GLP1R: variants seen among roughly 807,000 people sequenced by gnomAD.
The protein encoded by GLP1R is glucagon like peptide 1 receptor, also known as glucagon-like peptide 1 receptor.
A neutral mutation model predicts 68.4 loss-of-function variants in GLP1R; 32 were observed. The observed-to-expected ratio is 0.47, with a 90% CI of 0.35 to 0.63. The LOEUF (loss-of-function observed/expected upper bound fraction) is 0.63. Among genes scored for constraint, GLP1R ranks in the 20% least tolerant of loss-of-function variants. GLP1R has a pLI of 0.00. For synonymous variants in GLP1R, 263 were observed against 244.4 expected, an observed-to-expected ratio of 1.08 and a Z score of -0.71; for missense variants, 502 against 594.9, an observed-to-expected ratio of 0.84 and a Z score of 1.62.
At chr6:39,068,281 C>T (rs1296259628) in intron 5 of GLP1R, among the ~76,000 whole-genome samples, 1 of 152,078 alleles carries the variant, frequency 6.6e-6, no homozygotes, top group Non-Finnish European at 1.5e-5. Context: ...GAGTTGGGTC[C>T]CCAAGTCTCC....
chr6:39,076,048 G>C (rs1026460398), intron 7 of GLP1R, among the ~76,000 whole-genome samples: 3 of 152,168 alleles, frequency 2.0e-5, no homozygotes, highest in African/African-American at 7.2e-5. Flanking sequence ...TGTGTTTTTT[G>C]AAAAGGCCTT....
chr6:39,071,073 G>A (rs1056477059), intron 5 of GLP1R, among the ~76,000 whole-genome samples: 10 of 152,124 alleles, frequency 6.6e-5, no homozygotes, highest in African/African-American at 2.4e-4. Flanking sequence ...TTGGCTGGGT[G>A]CGGTGGCTCA....
intron 3 of GLP1R, among the ~76,000 whole-genome samples, chr6:39,061,689 G>C (rs1408203547): frequency 6.6e-6 from 1 of 152,152 alleles, no homozygotes; most frequent in Non-Finnish European, 1.5e-5. Flanking sequence ...GGTCTACTAT[G>C]TACCGGGCAC....
chr6:39,072,765 G>C, intron 5 of GLP1R, 97 bp from the exon 6 acceptor site: 1 of 1,053,858 alleles, frequency 9.5e-7, no homozygotes, highest in Non-Finnish European at 1.4e-6. Flanking sequence ...CCCAGGGCTG[G>C]AAACATGCCT....
intron 8 of GLP1R, 29 bp downstream of exon 8, chr6:39,078,411 G>A (rs377229216): frequency 1.3e-6 from 2 of 1,513,988 alleles, no homozygotes; most frequent in African/African-American, 1.4e-5. Context: ...GGGGGCGGGT[G>A]TGCCCAGGTC....
chr6:39,069,747 C>G (rs1359733211), intron 5 of GLP1R, among the ~76,000 whole-genome samples: 2 of 152,100 alleles, frequency 1.3e-5, no homozygotes, highest in East Asian at 3.9e-4. Context: ...TTTTTTCTAT[C>G]CCACCACCCA....
chr6:39,075,774 T>A (rs972259522), intron 7 of GLP1R, among the ~76,000 whole-genome samples: 2 of 152,160 alleles, frequency 1.3e-5, no homozygotes, highest in African/African-American at 2.4e-5. Context: ...AAATTAGGAC[T>A]CTGACACAGT....
At chr6:39,060,190 A>G (rs188890811) in intron 3 of GLP1R, among the ~76,000 whole-genome samples, 1 of 152,048 alleles carries the variant, frequency 6.6e-6, no homozygotes, top group Non-Finnish European at 1.5e-5. Flanking sequence ...CCTGACCCCC[A>G]CCCAGGTGTG....
chr6:39,066,443 C>T (rs895477019), intron 5 of GLP1R, 140 bp downstream of exon 5: 3 of 584,716 alleles, frequency 5.1e-6, no homozygotes, highest in East Asian at 5.7e-5. Flanking sequence ...GAGCCCTGAC[C>T]GTAGAATATG....
chr6:39,090,427 G>A lies in GLP1R; in HGVS notation c.*4354G>A, dbSNP rs1031035178. 1.3e-5 allele frequency among the ~76,000 whole-genome samples: 2 copies of A among 151,798 alleles called. No homozygotes were observed. Among genetic ancestry groups the A allele is most frequent in the Admixed American group, 6.6e-5 (1 of 15,242 alleles). Reference sequence around the variant, plus strand: ...TCTAGCAGTGGCTCCATTTTTCCCCGATGCATCCAACTTCCCTCCCTGCAC... The same window carrying A: ...TCTAGCAGTGGCTCCATTTTTCCCCAATGCATCCAACTTCCCTCCCTGCAC... On this transcript the variant is annotated 3_prime_UTR_variant, in exon 13 of 13. Coordinates refer to ENST00000373256, the MANE Select transcript of GLP1R (RefSeq NM_002062.5).
intron 1 of GLP1R, 75 bp downstream of exon 1, chr6:39,048,993 A>G: frequency 1.7e-6 from 1 of 601,922 alleles, no homozygotes; most frequent in Non-Finnish European, 2.7e-6. Context: ...GTCCTGGTGG[A>G]GGGCCCCGGG....
At chr6:39,085,805 G>T in intron 12 of GLP1R, 101 bp from the exon 13 acceptor site, 1 of 1,045,754 alleles carries the variant, frequency 9.6e-7, no homozygotes, top group South Asian at 1.4e-5. Flanking sequence ...TTAATATAAT[G>T]CAGTGGATTT....
chr6:39,073,923 T>C (rs1313505177), intron 7 of GLP1R, among the ~76,000 whole-genome samples, 154 bp downstream of exon 7: 2 of 152,178 alleles, frequency 1.3e-5, no homozygotes, highest in Non-Finnish European at 2.9e-5. Context: ...GCCCCGGTGC[T>C]GTTAAGATGC....
chr6:39,075,073 G>A (rs1246698440), intron 7 of GLP1R, among the ~76,000 whole-genome samples: 1 of 152,204 alleles, frequency 6.6e-6, no homozygotes, highest in Non-Finnish European at 1.5e-5. Context: ...TGACTCCCAG[G>A]CTCTGGGCCT....
At chr6:39,072,749 C>G in intron 5 of GLP1R, 113 bp from the exon 6 acceptor site, 4 of 870,312 alleles carry the variant, frequency 4.6e-6, no homozygotes, top group Non-Finnish European at 7.4e-6. Context: ...AAGACACACG[C>G]ACAGTCCCAG....
chr6:39,059,166 G>C (rs539948325), intron 3 of GLP1R, among the ~76,000 whole-genome samples: 2 of 152,214 alleles, frequency 1.3e-5, no homozygotes, highest in African/African-American at 2.4e-5. Context: ...TCAGTGGCCT[G>C]CCTTCTCCAA....
Position 39,090,133 on chromosome 6 carries a change from C to A in GLP1R, c.*4060C>A, listed in dbSNP as rs1385694034. Among the ~76,000 whole-genome samples the A allele has an allele frequency of 1.3e-5, 2 of 152,248 alleles. No homozygotes were observed. The highest frequency in any genetic ancestry group is 2.9e-5 in the Non-Finnish European group (2 of 68,010). On this transcript the variant is annotated 3_prime_UTR_variant, in exon 13 of 13. Transcript: ENST00000373256. ...ATGCCCCTACAGTTACCTGCTGGCC[C>A]AGATCAGCTCTCTGGGTCTGCAGAG...
rs892912518 is a variant in GLP1R at position 39,090,580 on chromosome 6, G to A, written c.*4507G>A. 7.2e-5 allele frequency among the ~76,000 whole-genome samples: 11 copies of A among 152,106 alleles called. No homozygotes were observed. The highest frequency in any genetic ancestry group is 2.0e-4 in the Admixed American group (3 of 15,288). ...AGGTGCTGTCAGGGCTGAAAAGGAC[G>A]CACCTCATTCTACATTTGGATGTGA... On this transcript the variant is annotated 3_prime_UTR_variant, in exon 13 of 13. Transcript: ENST00000373256.
intron 12 of GLP1R, among the ~76,000 whole-genome samples, chr6:39,083,814 G>A (rs1769076973): frequency 1.3e-5 from 2 of 152,178 alleles, no homozygotes; most frequent in South Asian, 2.1e-4. Context: ...GAGGAAGTGT[G>A]GTGGCCTAAG....
Sources: allele counts gnomAD v4.1 joint callset (sites outside exome capture counted in the v4.1 genomes callset), GRCh38; gene constraint gnomAD v4.1.1; transcripts MANE v1.5; gene names NCBI Gene and HGNC (gene_info 2026-07-23, HGNC 2026-07-21).